DLC1: variants seen among roughly 807,000 people sequenced by gnomAD.
The protein encoded by DLC1 is rho GTPase-activating protein 7.
Under a neutral mutation model 140.3 loss-of-function variants are expected in DLC1, and 54 were observed. The observed-to-expected ratio is 0.38, with a 90% CI of 0.31 to 0.48. DLC1 has a LOEUF of 0.48. Ranked by LOEUF, DLC1 falls within the 20% of genes least tolerant of loss-of-function variation. DLC1 has a pLI of 0.96. For missense variants in DLC1, 2,536 were observed against 1,907.0 expected (o/e 1.33, Z -6.14); for synonymous variants, 986 against 728.1 (o/e 1.35, Z -5.70).
intron 5 of DLC1, among the ~76,000 whole-genome samples, chr8:13,289,099 G>A (rs758848556): frequency 3.3e-5 from 5 of 152,024 alleles, no homozygotes; most frequent in African/African-American, 4.8e-5. Context: ...TAAGGCATTC[G>A]GTGCTCATGC....
At chr8:13,542,891 G>A (rs1325139360) in intron 1 of DLC1, among the ~76,000 whole-genome samples, 1 of 151,994 alleles carries the variant, frequency 6.6e-6, no homozygotes, top group African/African-American at 2.4e-5. Context: ...TTTTTACCTA[G>A]ATAATTACGT....
intron 4 of DLC1, among the ~76,000 whole-genome samples, chr8:13,374,561 G>A (rs574221672): frequency 6.6e-6 from 1 of 152,268 alleles, no homozygotes; most frequent in South Asian, 2.1e-4. Flanking sequence ...GAGGCGGGTG[G>A]ATCATGAGGT....
chr8:13,467,564 C>A (rs143649432), intron 2 of DLC1, among the ~76,000 whole-genome samples: 1 of 151,832 alleles, frequency 6.6e-6, no homozygotes, highest in Non-Finnish European at 1.5e-5. Flanking sequence ...CATAGAGAGA[C>A]CCTGTCTTTA....
At chr8:13,496,925 C>T (rs946224278) in intron 2 of DLC1, among the ~76,000 whole-genome samples, 1 of 150,886 alleles carries the variant, frequency 6.6e-6, no homozygotes, top group Non-Finnish European at 1.5e-5. Context: ...CTCAGCCTCC[C>T]GAGTAGCTGG....
intron 2 of DLC1, among the ~76,000 whole-genome samples, chr8:13,479,721 C>T (rs76660447): frequency 0.013 from 433 of 32,348 alleles, 2 homozygotes; most frequent in African/African-American, 0.029. Flanking sequence ...AGGAGGATTG[C>T]TTGAGACTTG....
Position 13,091,407 on chromosome 8 carries a change from C to T in DLC1, c.3766G>A (p.Gly1256Ser), listed in dbSNP as rs777276577. 1 of 1,613,888 alleles carries T rather than the reference C, an allele frequency of 6.2e-7. No individual in the cohort carries two copies. Among genetic ancestry groups the T allele is most frequent in the Admixed American group, 1.7e-5 (1 of 59,974 alleles). ...TTCAAATCTTTCTGATCTGGTTTGC[C>T]CAAACTTTGTTTTCTTTGCATTACC... The part of the protein sequence containing the change: ...PRVMQRKQSL[G>S]KPDQKDLNEN... Residue 1256 changes from glycine (G) to serine (S), a missense_variant, in exon 14 of 18, where the codon GGC (glycine) becomes AGC (serine). By Grantham distance (56) the Gly-to-Ser change is moderately conservative. Transcript: ENST00000276297.
chr8:13,463,990 T>A (rs1016536028), intron 2 of DLC1, among the ~76,000 whole-genome samples: 1 of 152,060 alleles, frequency 6.6e-6, no homozygotes, highest in Non-Finnish European at 1.5e-5. Context: ...AAGATGAAAT[T>A]TGAGCACAGT....
In DLC1 at chr8:13,592,482, C is replaced by T. The variant is rs78388755; in HGVS notation, c.-126+12055G>A. On this transcript the variant is annotated intron_variant, in intron 1 of 1. Transcript: ENST00000631382. ...GCTTATTAACTTACTTTTTGCTTTACGTGTTCTTTTCCATCCAAAACCTAA... is the reference window on the plus strand; with the variant it reads ...GCTTATTAACTTACTTTTTGCTTTATGTGTTCTTTTCCATCCAAAACCTAA... Among the ~76,000 whole-genome samples, 735 of 151,786 alleles carry T rather than the reference C, an allele frequency of 4.8e-3. 6 individuals carry two copies. Among genetic ancestry groups the T allele is most frequent in the African/African-American group, 0.017 (708 of 41,396 alleles).
rs766679826 is a variant in DLC1, at chr8:13,092,579, C to G, written c.3740+33G>C. 35 of 1,603,572 alleles carry G rather than the reference C, an allele frequency of 2.2e-5. 1 individual carries two copies. The highest frequency in any genetic ancestry group is 5.6e-5 in the South Asian group (5 of 89,500). ...GTCCTAGGAAGAATGTAGGCTGCCC[C>G]CTGTGTGCATGCACCTCCCATGCAG... is the stretch of plus-strand genomic sequence containing the variant. On this transcript the variant is annotated intron_variant, in intron 13 of 17. Coordinates refer to ENST00000276297, the MANE Select transcript of DLC1 (RefSeq NM_182643.3).
At chr8:13,139,974 G>A (rs1420231606) in intron 5 of DLC1, among the ~76,000 whole-genome samples, 3 of 152,120 alleles carry the variant, frequency 2.0e-5, no homozygotes, top group Admixed American at 6.5e-5. Context: ...GTGCATTCAC[G>A]TTATTGTGTG....
At chr8:13,250,863 T>C (rs1586005293) in intron 5 of DLC1, among the ~76,000 whole-genome samples, 2 of 152,188 alleles carry the variant, frequency 1.3e-5, no homozygotes, top group South Asian at 4.1e-4. Context: ...TGAGGATATT[T>C]TAATAATACA....
rs1449929735 is a variant in DLC1 at position 13,539,173 on chromosome 8, TTGTATGTATGTG to T, written c.-125-38989_-125-38978del. Among the ~76,000 whole-genome samples, 10 of 110,498 alleles carry T rather than the reference TTGTATGTATGTG, an allele frequency of 9.0e-5. No individual in the cohort carries two copies. In the South Asian group the frequency reaches 2.2e-3, roughly 24 times the overall value. 72.5% of individuals were successfully genotyped at this position (110,498 alleles called of 152,430 possible). A position where few individuals can be genotyped will look rare whatever the true frequency, so the allele number is the denominator to read the frequency against. ...TGCTTTTTTTCAGTAGATCTGCAAA[TTGTATGTATGTG>T]TGTATGTATGTATGTATGTATGTAT... On this transcript the variant is annotated intron_variant, in intron 1 of 1. Transcript: ENST00000631382.
Position 13,101,221 on chromosome 8 carries a change from T to C in DLC1, c.1567-451A>G, listed in dbSNP as rs1819062990. Among the ~76,000 whole-genome samples, 3 of 152,342 alleles carry C rather than the reference T, an allele frequency of 2.0e-5. No homozygotes were observed. The South Asian group carries it at 6.2e-4, about 32-fold the overall frequency. Reference sequence around the variant, plus strand: ...CCACAGTGCCCGGTGTTTTGTTTTGTTCTTTAAATAACAAAGATGTATTTA... The same window carrying C: ...CCACAGTGCCCGGTGTTTTGTTTTGCTCTTTAAATAACAAAGATGTATTTA... On this transcript the variant is annotated intron_variant, in intron 8 of 17. Coordinates refer to ENST00000276297, the MANE Select transcript of DLC1 (RefSeq NM_182643.3).
chr8:13,086,544 T>C, intron 16 of DLC1, 81 bp from the exon 17 acceptor site: 1 of 1,525,332 alleles, frequency 6.6e-7, no homozygotes, highest in Non-Finnish European at 8.9e-7. Context: ...CTTCACTATT[T>C]GCAGTGTGGT....
At position 13,275,213 on chromosome 8, in the gene DLC1, C is replaced by T. The variant is rs531049395; in HGVS notation, c.1348+30056G>A. ...TAGAGTTTATGAGGGCATGAAACTACCATGTTATCTTCACAATCTGCTTTA... is the reference window on the plus strand; with the variant it reads ...TAGAGTTTATGAGGGCATGAAACTATCATGTTATCTTCACAATCTGCTTTA... On this transcript the variant is annotated intron_variant, in intron 5 of 17. Coordinates refer to ENST00000276297, the MANE Select transcript of DLC1 (RefSeq NM_182643.3). Among the ~76,000 whole-genome samples the T allele has an allele frequency of 2.6e-5, 4 of 152,308 alleles. No individual in the cohort carries two copies. The East Asian group carries it at 7.7e-4, about 29-fold the overall frequency.
intron 5 of DLC1, among the ~76,000 whole-genome samples, chr8:13,203,782 CA>C (rs981111545): frequency 1.9e-4 from 29 of 151,958 alleles, no homozygotes; most frequent in African/African-American, 6.5e-4. Flanking sequence ...CTTTTACTTG[CA>C]AAAAAACCTT....
chr8:13,214,829 C>G (rs1470584521), intron 5 of DLC1: 4 of 766,930 alleles, frequency 5.2e-6, no homozygotes, highest in Non-Finnish European at 9.7e-6. Context: ...GATTTGAGTG[C>G]TGGTGGCAAT....
At chr8:13,329,873 A>G (rs1452405500) in intron 4 of DLC1, among the ~76,000 whole-genome samples, 3 of 135,612 alleles carry the variant, frequency 2.2e-5, no homozygotes, top group Non-Finnish European at 5.2e-5. Context: ...ATATATACAC[A>G]AGTGTACAAA....
chr8:13,092,340 G>A lies in DLC1; in HGVS notation c.3740+272C>T, dbSNP rs188236804. 5.9e-4 allele frequency among the ~76,000 whole-genome samples: 90 copies of A among 152,336 alleles called. No homozygotes were observed. The South Asian group carries it at 0.014, about 23-fold the overall frequency. ...AACTAGGCCCCAGGCCTCTAGCTAA[G>A]AAATACTTTTCAAGTTCCTTTAGAG... On this transcript the variant is annotated intron_variant, in intron 13 of 17. Transcript: ENST00000276297.
Sources: gnomAD v4.1 joint callset for allele counts (sites outside exome capture counted in the v4.1 genomes callset) on GRCh38, gnomAD v4.1.1 for gene constraint, MANE v1.5 for transcripts, NCBI Gene and HGNC (gene_info 2026-07-23, HGNC 2026-07-21) for gene names.